MCC: variants seen among roughly 807,000 people sequenced by gnomAD.
The protein encoded by MCC is colorectal mutant cancer protein.
Under a neutral mutation model 116.2 loss-of-function variants are expected in MCC, and 90 were observed. That is an observed-to-expected ratio of 0.77 (90% CI 0.65 to 0.92). The LOEUF (loss-of-function observed/expected upper bound fraction) is 0.92, where lower values mean the gene tolerates loss of function less well. Among genes scored for constraint, MCC ranks in the 40% least tolerant of loss-of-function variants. The pLI is 0.00. For synonymous variants in MCC, 578 were observed against 510.5 expected (o/e 1.13, Z -1.78); for missense variants, 1,516 against 1,312.2 (o/e 1.16, Z -2.40).
At chr5:113,207,442 T>C (rs1762957495) in intron 3 of MCC, among the ~76,000 whole-genome samples, 1 of 110,890 alleles carries the variant, frequency 9.0e-6, no homozygotes, top group African/African-American at 3.6e-5. Context: ...GGGACACCTA[T>C]CCTCCATCGT....
At chr5:113,433,339 C>T (rs1036848941) in intron 1 of MCC, 5 of 363,892 alleles carry the variant, frequency 1.4e-5, no homozygotes, top group African/African-American at 6.5e-5. Flanking sequence ...AGCAGGGTCA[C>T]GCAACTGCCC....
intron 5 of MCC, among the ~76,000 whole-genome samples, chr5:113,141,284 T>C (rs764311412): frequency 7.2e-5 from 11 of 152,214 alleles, no homozygotes; most frequent in Non-Finnish European, 1.0e-4. Context: ...ATTTACACCA[T>C]CAGCTTCTCT....
intron 4 of MCC, among the ~76,000 whole-genome samples, chr5:113,145,759 CACACACACACACACACACACACACAA>C (rs1343273994): frequency 0.019 from 1,527 of 78,608 alleles, 19 homozygotes; most frequent in Admixed American, 0.028. Flanking sequence ...CACACACACA[CACACACACACACACACACACACACAA>C]ACACACACAC....
chr5:113,358,731 G>C (rs563740652), intron 2 of MCC, among the ~76,000 whole-genome samples: 3 of 152,112 alleles, frequency 2.0e-5, no homozygotes, highest in Non-Finnish European at 4.4e-5. Context: ...TTGGCTGCCA[G>C]GTGTCAGCTG....
In MCC at chr5:113,101,885, T is replaced by A; in HGVS notation, c.1252A>T (p.Arg418Trp). 1 of 1,613,960 alleles carries A rather than the reference T, an allele frequency of 6.2e-7. No homozygotes were observed. The highest frequency in any genetic ancestry group is 8.5e-7 in the Non-Finnish European group (1 of 1,180,006). Residue 418 changes from arginine to tryptophan, a missense_variant, in exon 8 of 19, where the codon AGG becomes TGG. Transcript: ENST00000408903. ...GCCAGCTCCTTCTCCCACCGAGACC[T>A]CTCTTCAGCCAGGTTGGGATACAGG... The part of the protein sequence containing the change: ...RDLYPNLAEE[R>W]SRWEKELAGL...
intron 13 of MCC, among the ~76,000 whole-genome samples, chr5:113,067,547 G>T (rs1250484648): frequency 6.6e-6 from 1 of 152,206 alleles, no homozygotes; most frequent in Non-Finnish European, 1.5e-5. Context: ...TGAGGCAGGA[G>T]GATGCTTGAA....
At chr5:113,202,455 C>A (rs1762725244) in intron 3 of MCC, among the ~76,000 whole-genome samples, 1 of 152,166 alleles carries the variant, frequency 6.6e-6, no homozygotes, top group African/African-American at 2.4e-5. Context: ...CCAGTTACCG[C>A]CAGCTGCCTA....
chr5:113,080,154 C>T (rs1030569269), intron 11 of MCC, among the ~76,000 whole-genome samples: 7 of 152,318 alleles, frequency 4.6e-5, no homozygotes, highest in Admixed American at 1.3e-4. Context: ...CAGGAAACAA[C>T]AGGTGCTGGA....
At chr5:113,473,006 A>C (rs552746325) in intron 1 of MCC, among the ~76,000 whole-genome samples, 1 of 152,346 alleles carries the variant, frequency 6.6e-6, no homozygotes, top group South Asian at 2.1e-4. Flanking sequence ...ACATTGTTGC[A>C]TTCATGATGC....
At chr5:113,092,045 T>G (rs1293707029) in intron 8 of MCC, among the ~76,000 whole-genome samples, 1 of 152,218 alleles carries the variant, frequency 6.6e-6, no homozygotes, top group Non-Finnish European at 1.5e-5. Context: ...CAATAAAATC[T>G]ATTGAATGCC....
chr5:113,481,011 A>G (rs1341050612), intron 1 of MCC, among the ~76,000 whole-genome samples: 2 of 152,290 alleles, frequency 1.3e-5, no homozygotes, highest in African/African-American at 4.8e-5. Context: ...TCCTAGGTTC[A>G]AGAGATCCAC....
intron 3 of MCC, among the ~76,000 whole-genome samples, chr5:113,327,719 A>T (rs6873755): frequency 1.3e-5 from 2 of 149,776 alleles, no homozygotes; most frequent in African/African-American, 4.9e-5. Context: ...TAACAGAAAC[A>T]AAAACTGAAG....
At chr5:113,099,356 G>A (rs779782064) in intron 8 of MCC, among the ~76,000 whole-genome samples, 4 of 152,218 alleles carry the variant, frequency 2.6e-5, no homozygotes, top group Non-Finnish European at 5.9e-5. Flanking sequence ...ATGTGTGTGT[G>A]TGTAATTATC....
intron 3 of MCC, among the ~76,000 whole-genome samples, chr5:113,257,581 G>T (rs1452958304): frequency 6.6e-6 from 1 of 152,082 alleles, no homozygotes; most frequent in African/African-American, 2.4e-5. Context: ...GTTGAGAAGG[G>T]AAAGAAAACT....
chr5:113,169,191 G>C (rs909255800), intron 3 of MCC, among the ~76,000 whole-genome samples: 1 of 151,990 alleles, frequency 6.6e-6, no homozygotes, highest in African/African-American at 2.4e-5. Context: ...GAGAAAAAGG[G>C]GAAAAGAATC....
At chr5:113,281,508 G>A (rs1032075595) in intron 3 of MCC, among the ~76,000 whole-genome samples, 3 of 152,142 alleles carry the variant, frequency 2.0e-5, no homozygotes, top group African/African-American at 4.8e-5. Context: ...CCTCAATCAT[G>A]ATGGTCATCC....
intron 1 of MCC, among the ~76,000 whole-genome samples, chr5:113,469,707 G>A (rs974966580): frequency 1.7e-4 from 26 of 152,154 alleles, no homozygotes; most frequent in African/African-American, 5.5e-4. Flanking sequence ...GTCACTTGGT[G>A]CAGAGCTGAG....
chr5:113,301,404 GCGGCGAGC>G (rs140885762), intron 3 of MCC, among the ~76,000 whole-genome samples: 1,752 of 152,132 alleles, frequency 0.012, 37 homozygotes, highest in African/African-American at 0.04. Flanking sequence ...GGCAGAGGTT[GCGGCGAGC>G]CGAGATCACG....
chr5:113,324,705 G>C (rs2150372443), intron 3 of MCC, among the ~76,000 whole-genome samples: 1 of 152,250 alleles, frequency 6.6e-6, no homozygotes, highest in African/African-American at 2.4e-5. Flanking sequence ...ATCTATCCAA[G>C]CCTGCAGCTG....
Sources: gnomAD v4.1 joint callset for allele counts (sites outside exome capture counted in the v4.1 genomes callset) on GRCh38, gnomAD v4.1.1 for gene constraint, MANE v1.5 for transcripts, NCBI Gene and HGNC (gene_info 2026-07-23, HGNC 2026-07-21) for gene names.